The following CIT variants were observed in gnomAD, a reference collection of about 807,000 sequenced individuals.
CIT encodes citron Rho-interacting kinase.
Under a neutral mutation model 272.7 loss-of-function variants are expected in CIT, and 79 were observed. The ratio of observed to expected loss-of-function variants is 0.29; its 90% CI spans 0.24 to 0.35. The LOEUF is 0.35. CIT is among the 10% of genes least tolerant of loss of function. The pLI, the probability that CIT is intolerant of heterozygous loss-of-function variation, is 1.00. For missense variants in CIT, 1,909 were observed against 2,618.3 expected (o/e 0.73, Z 5.91); for synonymous variants, 948 against 995.6 (o/e 0.95, Z 0.90).
Position 119,862,781 on chromosome 12 carries a change from G to A in CIT, c.239-5083C>T, listed in dbSNP as rs1261219231. On this transcript the variant is annotated intron_variant, in intron 3 of 47. Transcript: ENST00000392521. The stretch of plus-strand genomic sequence containing the variant: ...GCCAAGATCGCACCACTGCACTCCA[G>A]CCTGGGTGACAGAGCAAGACTCTAC... 2.2e-3 allele frequency among the ~76,000 whole-genome samples: 201 copies of A among 90,640 alleles called. No individual in the cohort carries two copies. In the Middle Eastern group the frequency reaches 0.043, roughly 19 times the overall value. The allele number at this position is 90,640 out of a possible 152,430, so 59.5% of individuals were successfully genotyped here.
intron 3 of CIT, among the ~76,000 whole-genome samples, chr12:119,859,957 T>C (rs59347602): frequency 0.08 from 12,129 of 152,144 alleles, 992 homozygotes; most frequent in African/African-American, 0.21. Flanking sequence ...GCTGGGACTA[T>C]AGGCGCACAC....
At chr12:119,752,370 G>C (rs761694898) in intron 22 of CIT, 123 bp from the exon 23 acceptor site, 1 of 853,118 alleles carries the variant, frequency 1.2e-6, no homozygotes, top group Admixed American at 2.9e-5. Context: ...CCACCTTCTC[G>C]GCACTCGATA....
intron 4 of CIT, among the ~76,000 whole-genome samples, chr12:119,856,989 A>T (rs145733120): frequency 1.0e-3 from 152 of 152,368 alleles, no homozygotes; most frequent in African/African-American, 3.5e-3. Flanking sequence ...AAATGAATCA[A>T]TATGTCTAGA....
At position 119,690,871 on chromosome 12, in the gene CIT, C is replaced by A. The variant is rs1955901660; in HGVS notation, c.5883-417G>T. On this transcript the variant is annotated intron_variant, in intron 46 of 47. Transcript: ENST00000392521. The surrounding 1 kb of genome is among the most constrained non-coding windows in gnomAD (Gnocchi z 6.0). The stretch of plus-strand genomic sequence containing the variant: ...GCTAATGAGTGGTAGAGCTGGGATT[C>A]CAATAAAGACCAGTTTGATAGGCCA... 6.6e-6 allele frequency among the ~76,000 whole-genome samples: 1 copy of A among 152,168 alleles called. No individual in the cohort carries two copies. Among genetic ancestry groups the A allele is most frequent in the South Asian group, 2.1e-4 (1 of 4,834 alleles).
rs1224426272 is a variant in CIT, at chr12:119,869,138, C to T, written c.160G>A (p.Ala54Thr). ...CATTCTTCAAAGAGAACAAAGAGGG[C>T]ATCTAATATCCCTTCTCGGGAAAGA... ...SPLSREGILD[A>T]LFVLFEECSQ... Residue 54 changes from alanine (A) to threonine (T), a missense_variant, in exon 3 of 48, where the codon GCC becomes ACC. Transcript: ENST00000392521. 1 of 1,613,370 alleles carries T rather than the reference C, an allele frequency of 6.2e-7. No individual in the cohort carries two copies. The highest frequency in any genetic ancestry group is 1.7e-5 in the Admixed American group (1 of 59,754).
rs115586226 is a variant in CIT at position 119,729,127 on chromosome 12, T to A, written c.3487-521A>T. Among the ~76,000 whole-genome samples the A allele has an allele frequency of 1.6e-3, 243 of 152,296 alleles. 1 individual carries two copies. Among genetic ancestry groups the A allele is most frequent in the African/African-American group, 5.7e-3 (236 of 41,554 alleles). On this transcript the variant is annotated intron_variant, in intron 27 of 47. Coordinates refer to ENST00000392521, the MANE Select transcript of CIT (RefSeq NM_001206999.2). Reference sequence around the variant, plus strand: ...AATAAGGTATTGCAAAGTCTGGAGCTTTAAAAGATATGAAGGACTTTGCTG... The same window carrying A: ...AATAAGGTATTGCAAAGTCTGGAGCATTAAAAGATATGAAGGACTTTGCTG...
chr12:119,784,484 CCCAGGCAAGCAGTGACTTATTAGTTT>C lies in CIT; in HGVS notation c.1401+450_1402-434del. ...TTTATTCGTCTGCACTCTTAGGAGT[CCCAGGCAAGCAGTGACTTATTAGTTT>C]CCAGAGCGTTGCCTCTGGGCAGGAA... On this transcript the variant is annotated intron_variant, in intron 11 of 47. Coordinates refer to ENST00000392521, the MANE Select transcript of CIT (RefSeq NM_001206999.2). The surrounding 1 kb of genome is among the most constrained non-coding windows in gnomAD (Gnocchi z 4.7). The C allele has an allele frequency of 3.4e-6, 4 of 1,189,628 alleles. No homozygotes were observed. Among genetic ancestry groups the C allele is most frequent in the Non-Finnish European group, 4.2e-6 (4 of 946,054 alleles). The allele number at this position is 1,189,628 out of a possible 1,614,324, so 73.7% of individuals were successfully genotyped here.
chr12:119,803,353 T>C lies in CIT; in HGVS notation c.1148A>G (p.Asp383Gly). ...PPFVPTLKSD[D>G]DTSNFDEPEK... ...TGGTTCATCAAAATTGGAGGTGTCA[T>C]CGTCAGACTTGAGGGTGGGAACGAA... Residue 383 changes from aspartate to glycine, a missense_variant, in exon 10 of 48, where the codon GAT becomes GGT. Asp to Gly is a moderately conservative substitution (Grantham distance 94, BLOSUM62 -1). This residue lies in a region of CIT where 529 missense variants were observed against 549.6 expected (regional missense o/e 0.96). Transcript: ENST00000392521. 6.3e-7 allele frequency: 1 copy of C among 1,599,650 alleles called. No individual in the cohort carries two copies. The highest frequency in any genetic ancestry group is 8.5e-7 in the Non-Finnish European group (1 of 1,173,868).
At chr12:119,852,428 T>C (rs1472944375) in intron 4 of CIT, among the ~76,000 whole-genome samples, 7 of 151,938 alleles carry the variant, frequency 4.6e-5, no homozygotes, top group Non-Finnish European at 8.8e-5. Context: ...AAAGACATTA[T>C]GGGAGCCAGG....
intron 4 of CIT, among the ~76,000 whole-genome samples, chr12:119,856,905 T>C (rs1347738683): frequency 6.6e-6 from 1 of 152,226 alleles, no homozygotes; most frequent in Non-Finnish European, 1.5e-5. Context: ...ACATATCATG[T>C]GCACTAAAAT....
intron 7 of CIT, among the ~76,000 whole-genome samples, chr12:119,826,703 T>C (rs1197153636): frequency 3.3e-5 from 5 of 152,226 alleles, no homozygotes; most frequent in Admixed American, 3.3e-4. Flanking sequence ...CATAATGGGC[T>C]TCTCTCAGGT....
intron 5 of CIT, among the ~76,000 whole-genome samples, chr12:119,837,869 A>AC (rs1169198393): frequency 6.6e-6 from 1 of 152,180 alleles, no homozygotes; most frequent in East Asian, 1.9e-4. Flanking sequence ...GAGTTTTGAG[A>AC]CCAGCTTGGG....
intron 5 of CIT, among the ~76,000 whole-genome samples, chr12:119,836,267 C>T (rs1488978337): frequency 3.7e-5 from 4 of 107,938 alleles, no homozygotes; most frequent in Non-Finnish European, 6.7e-5. Flanking sequence ...AGCCTGGCAA[C>T]AGAGCGAGAC....
Position 119,784,278 on chromosome 12 carries a change from A to G in CIT, c.1402-227T>C. On this transcript the variant is annotated intron_variant, in intron 11 of 47. Coordinates refer to ENST00000392521, the MANE Select transcript of CIT (RefSeq NM_001206999.2). This position sits in a 1 kb window ranked among gnomAD's most constrained non-coding sequence, Gnocchi z 4.7. ...TCCTCTCATTCAAGTCCCGGTTCAC[A>G]CTTGATCACTTCTCTAACCCAGTTA... 1.3e-6 allele frequency: 2 copies of G among 1,560,922 alleles called. No homozygotes were observed. Among genetic ancestry groups the G allele is most frequent in the South Asian group, 1.1e-5 (1 of 89,430 alleles).
intron 30 of CIT, among the ~76,000 whole-genome samples, chr12:119,719,417 A>C (rs1159273005): frequency 6.6e-6 from 1 of 152,228 alleles, no homozygotes; most frequent in Non-Finnish European, 1.5e-5. Flanking sequence ...CTTAAAAAAA[A>C]GGTAACTAAA....
chr12:119,833,630 A>T (rs1302757386), intron 6 of CIT, among the ~76,000 whole-genome samples: 2 of 141,676 alleles, frequency 1.4e-5, no homozygotes, highest in African/African-American at 5.4e-5. Flanking sequence ...GTACCACTGC[A>T]CTCCAGCCTG....
At chr12:119,815,916 C>T (rs1366486419) in intron 9 of CIT, among the ~76,000 whole-genome samples, 2 of 152,100 alleles carry the variant, frequency 1.3e-5, no homozygotes, top group African/African-American at 4.8e-5. Context: ...GAATTTTCTG[C>T]TATGGGCTAT....
intron 20 of CIT, among the ~76,000 whole-genome samples, chr12:119,760,131 G>A (rs1407061026): frequency 6.7e-6 from 1 of 148,768 alleles, no homozygotes; most frequent in African/African-American, 2.5e-5. Flanking sequence ...AGGTTGCAGT[G>A]AGCTGAAATC....
intron 30 of CIT, 104 bp downstream of exon 30, chr12:119,720,374 T>C (rs1957761690): frequency 3.9e-6 from 3 of 771,358 alleles, no homozygotes; most frequent in Admixed American, 3.2e-5. Context: ...AAGTATACTT[T>C]GTTTTCTTCT....
Sources: allele counts gnomAD v4.1 joint callset (sites outside exome capture counted in the v4.1 genomes callset), GRCh38; gene constraint gnomAD v4.1.1; regional missense constraint gnomAD v4.1.1; non-coding constraint Gnocchi (gnomAD v3.1); transcripts MANE v1.5; gene names NCBI Gene and HGNC (gene_info 2026-07-23, HGNC 2026-07-21).